CPXM1: variants seen among roughly 807,000 people sequenced by gnomAD.
The protein encoded by CPXM1 is carboxypeptidase X, M14 family member 1.
CPXM1 carries 72 observed loss-of-function variants against 80.4 expected under a neutral mutation model. That is an observed-to-expected ratio of 0.90 (90% CI 0.74 to 1.09). CPXM1 has a LOEUF of 1.09. CPXM1 is among the 50% of genes least tolerant of loss of function. CPXM1 has a pLI of 0.00. For missense variants in CPXM1, 892 were observed against 999.4 expected (o/e 0.89, Z 1.45); for synonymous variants, 403 against 405.6 (o/e 0.99, Z 0.08).
In CPXM1 at chr20:2,795,826, T is replaced by C; in HGVS notation, c.1493A>G (p.His498Arg). 1.2e-6 allele frequency: 2 copies of C among 1,611,842 alleles called. No homozygotes were observed. Among genetic ancestry groups the C allele is most frequent in the Non-Finnish European group, 1.7e-6 (2 of 1,179,986 alleles). Residue 498 changes from histidine to arginine, a missense_variant, in exon 11 of 14, where the codon CAC (histidine) becomes CGC (arginine). His to Arg is a conservative substitution (Grantham distance 29). Around this residue, in one of 2 missense-constraint regions of CPXM1, gnomAD observed 874 missense variants for 958.4 expected, o/e 0.91. Transcript: ENST00000380605. This position sits in a 1 kb window ranked among gnomAD's most constrained non-coding sequence, Gnocchi z 5.4. ...GTAGGACACCACGAGCTCACCCCCG[T>C]GGAGGTTGGCACTTAGCACAAAGGG... The part of the protein sequence containing the change: ...RIPFVLSANL[H>R]GGELVVSYPF...
In CPXM1 at chr20:2,794,290, T is replaced by C. The variant is rs761910515; in HGVS notation, c.2105A>G (p.Lys702Arg). 4 of 1,614,134 alleles carry C rather than the reference T, an allele frequency of 2.5e-6. No individual in the cohort carries two copies. The highest frequency in any genetic ancestry group is 1.3e-5 in the African/African-American group (1 of 75,034). ...CTCGCGCAGCCTCTGTTTGGGAGTC[T>C]TGGTGAGCACGAAATTGCAGGGGAA... is the stretch of plus-strand genomic sequence containing the variant. ...GPFPCNFVLT[K>R]TPKQRLRELL... Residue 702 changes from lysine (K) to arginine (R), a missense_variant, in exon 14 of 14, where the codon AAG becomes AGG. Physicochemically the swap from Lys to Arg is conservative, Grantham distance 26. Coordinates refer to ENST00000380605, the MANE Select transcript of CPXM1 (RefSeq NM_019609.5). This position sits in a 1 kb window ranked among gnomAD's most constrained non-coding sequence, Gnocchi z 5.2.
rs1415975206 is a variant in CPXM1, at chr20:2,797,104, G to A, written c.833-10C>T. On this transcript the variant is annotated splice_polypyrimidine_tract_variant and intron_variant, in intron 6 of 13. Coordinates refer to ENST00000380605, the MANE Select transcript of CPXM1 (RefSeq NM_019609.5). ...AATAGGTCATTGGGGTCTGGTGGAGGTTGAGTTTATGGTAAAGGGTGTGTC... is the reference window on the plus strand; with the variant it reads ...AATAGGTCATTGGGGTCTGGTGGAGATTGAGTTTATGGTAAAGGGTGTGTC... 6.2e-6 allele frequency: 10 copies of A among 1,614,062 alleles called. No homozygotes were observed. Among genetic ancestry groups the A allele is most frequent in the Non-Finnish European group, 8.5e-6 (10 of 1,179,934 alleles).
At chr20:2,797,483 A>T (rs1186343726) in intron 5 of CPXM1, 141 bp from the exon 6 acceptor site, 4 of 954,342 alleles carry the variant, frequency 4.2e-6, no homozygotes, top group Non-Finnish European at 4.4e-6. Context: ...TGCATCAAAC[A>T]CAGACCCCGG....
rs2088501561 is a variant in CPXM1, at chr20:2,795,909, G to A, written c.1423-13C>T. On this transcript the variant is annotated splice_polypyrimidine_tract_variant and intron_variant, in intron 10 of 13. Coordinates refer to ENST00000380605, the MANE Select transcript of CPXM1 (RefSeq NM_019609.5). The surrounding 1 kb of genome is among the most constrained non-coding windows in gnomAD (Gnocchi z 5.4). ...TTTCAGGAGCCACCTGGATGGGGCA[G>A]GTCAGGAGGGGCAGGAGACAGAGAC... The A allele has an allele frequency of 6.2e-7, 1 of 1,606,864 alleles. No homozygotes were observed. The highest frequency in any genetic ancestry group is 1.7e-5 in the Admixed American group (1 of 59,812).
Position 2,795,530 on chromosome 20 carries a change from G to GC in CPXM1, c.1720+68dup. On this transcript the variant is annotated intron_variant, in intron 11 of 13. Transcript: ENST00000380605. The surrounding 1 kb of genome is among the most constrained non-coding windows in gnomAD (Gnocchi z 5.4). ...GTGGGAACAGACGCCAGCACTGTAC[G>GC]CAACCGCAGGCTGTCTTATCAGGGC... 5 of 1,587,062 alleles carry GC rather than the reference G, an allele frequency of 3.2e-6. No homozygotes were observed. Among genetic ancestry groups the GC allele is most frequent in the Non-Finnish European group, 4.3e-6 (5 of 1,163,350 alleles).
At chr20:2,798,951 A>G in intron 1 of CPXM1, 58 bp from the exon 2 acceptor site, 1 of 1,557,408 alleles carries the variant, frequency 6.4e-7, no homozygotes, top group South Asian at 1.2e-5. Flanking sequence ...CCCCGGATGG[A>G]AAGGTCTGCC....
Position 2,798,854 on chromosome 20 carries a change from T to G in CPXM1, c.212A>C (p.Lys71Thr). Reference protein sequence around the residue: ...EQHVRIRVIKKKKVIMKKRKK... With the variant: ...EQHVRIRVIKTKKVIMKKRKK... ...CCGCTTCTTCATAATGACCTTTTTC[T>G]TCTTGATGACTCGAATCCGGACATG... Residue 71 changes from lysine (K) to threonine (T), a missense_variant, in exon 2 of 14, where the codon AAG becomes ACG. Coordinates refer to ENST00000380605, the MANE Select transcript of CPXM1 (RefSeq NM_019609.5). 6.2e-7 allele frequency: 1 copy of G among 1,614,074 alleles called. No homozygotes were observed. Among genetic ancestry groups the G allele is most frequent in the Non-Finnish European group, 8.5e-7 (1 of 1,179,984 alleles).
Position 2,800,418 on chromosome 20 carries a change from G to A in CPXM1, c.155C>T (p.Pro52Leu), listed in dbSNP as rs1600270511. ...GAACTCACCGTTAGCTGTCTCCGCC[G>A]GCGGCTGTGCCGGGCTGCTATGCAG... is the stretch of plus-strand genomic sequence containing the variant. ...PALHSSPAQP[P>L]AETANGTSEQ... Residue 52 changes from proline (P) to leucine (L), a missense_variant, in exon 1 of 14, where the codon CCG (proline) becomes CTG (leucine). Transcript: ENST00000380605. The A allele has an allele frequency of 6.5e-7, 1 of 1,530,374 alleles. No individual in the cohort carries two copies. The allele number at this position is 1,530,374 out of a possible 1,614,324, so 94.8% of individuals were successfully genotyped here.
chr20:2,795,093 C>T lies in CPXM1; in HGVS notation c.1860+184G>A, dbSNP rs1373735799. On this transcript the variant is annotated intron_variant, in intron 12 of 13. Coordinates refer to ENST00000380605, the MANE Select transcript of CPXM1 (RefSeq NM_019609.5). The surrounding 1 kb of genome is among the most constrained non-coding windows in gnomAD (Gnocchi z 5.4). ...CCACCGGCTCTAACACGATGCCACGCTGCCAGCAAACTGCACTTCCTGTCC... is the reference window on the plus strand; with the variant it reads ...CCACCGGCTCTAACACGATGCCACGTTGCCAGCAAACTGCACTTCCTGTCC... 6.6e-6 allele frequency among the ~76,000 whole-genome samples: 1 copy of T among 152,214 alleles called. No individual in the cohort carries two copies. The highest frequency in any genetic ancestry group is 6.5e-5 in the Admixed American group (1 of 15,286).
Position 2,796,771 on chromosome 20 carries a change from A to C in CPXM1, c.922-121T>G. ...GCCCACACAGAGGGGGCATCCCATC[A>C]TGGTACAGGAGGGGAGCGGCAGCAG... On this transcript the variant is annotated intron_variant, in intron 7 of 13. Coordinates refer to ENST00000380605, the MANE Select transcript of CPXM1 (RefSeq NM_019609.5). This position sits in a 1 kb window ranked among gnomAD's most constrained non-coding sequence, Gnocchi z 6.8. 7.2e-7 allele frequency: 1 copy of C among 1,389,902 alleles called. No homozygotes were observed. The highest frequency in any genetic ancestry group is 9.8e-7 in the Non-Finnish European group (1 of 1,016,744). 86.1% of individuals were successfully genotyped at this position (1,389,902 alleles called of 1,614,324 possible).
At position 2,794,572 on chromosome 20, in the gene CPXM1, A is replaced by G. The variant is rs778854153; in HGVS notation, c.1928T>C (p.Ile643Thr). The G allele has an allele frequency of 3.7e-6, 6 of 1,613,790 alleles. No homozygotes were observed. In the East Asian group the frequency reaches 8.9e-5, roughly 24 times the overall value. The stretch of plus-strand genomic sequence containing the variant: ...GTCATGGTTAATCCCATCCACGGCA[A>G]TGACAGCGTCAGCAATCCCAAGCTC... ...DTELGIADAV[I>T]AVDGINHDVT... is the part of the protein sequence containing the mutation. The change falls in exon 13 of 14, where the codon ATT becomes ACT. Residue 643 changes from isoleucine to threonine, a missense_variant. Physicochemically the swap from Ile to Thr is moderately conservative, Grantham distance 89. Around this residue, in one of 2 missense-constraint regions of CPXM1, gnomAD observed 874 missense variants for 958.4 expected, o/e 0.91. Transcript: ENST00000380605. This position sits in a 1 kb window ranked among gnomAD's most constrained non-coding sequence, Gnocchi z 5.2.
At position 2,800,610 on chromosome 20, in the gene CPXM1, G is replaced by A; in HGVS notation, c.-38C>T. 2 of 1,312,244 alleles carry A rather than the reference G, an allele frequency of 1.5e-6. No homozygotes were observed. Among genetic ancestry groups the A allele is most frequent in the East Asian group, 3.2e-5 (1 of 31,686 alleles). 81.3% of individuals were successfully genotyped at this position (1,312,244 alleles called of 1,614,324 possible). ...GTGCCAGGGGCGCGCGGGCTACGGCGGGTGGCGGGTCGGTCTCTTCCTGCC... is the reference window on the plus strand; with the variant it reads ...GTGCCAGGGGCGCGCGGGCTACGGCAGGTGGCGGGTCGGTCTCTTCCTGCC... On this transcript the variant is annotated 5_prime_UTR_variant, in exon 1 of 14. Coordinates refer to ENST00000380605, the MANE Select transcript of CPXM1 (RefSeq NM_019609.5).
intron 5 of CPXM1, 25 bp from the exon 6 acceptor site, chr20:2,797,367 T>G: frequency 2.1e-6 from 3 of 1,452,550 alleles, no homozygotes; most frequent in Non-Finnish European, 2.7e-6. Context: ...TTCTCTGTTG[T>G]GGCTGCTCAA....
rs762842667 is a variant in CPXM1 at position 2,795,265 on chromosome 20, C to T, written c.1860+12G>A. The T allele has an allele frequency of 8.7e-6, 14 of 1,611,504 alleles. No individual in the cohort carries two copies. The highest frequency in any genetic ancestry group is 5.3e-5 in the African/African-American group (4 of 74,872). On this transcript the variant is annotated intron_variant, in intron 12 of 13. Transcript: ENST00000380605. The surrounding 1 kb of genome is among the most constrained non-coding windows in gnomAD (Gnocchi z 5.4). The stretch of plus-strand genomic sequence containing the variant: ...GATTCAGGCAGGCTGGGGGCCGGGA[C>T]GCAGATCCGACCTGCTCCAGGTAGG...
Position 2,795,451 on chromosome 20 carries a change from C to T in CPXM1, c.1721-35G>A, listed in dbSNP as rs747428139. On this transcript the variant is annotated intron_variant, in intron 11 of 13. Transcript: ENST00000380605. This position sits in a 1 kb window ranked among gnomAD's most constrained non-coding sequence, Gnocchi z 5.4. ...CCACAGACACTGCTGCCTAAGCAGG[C>T]GGGATGCGGTCCCATCCTCCCGCTA... The T allele has an allele frequency of 4.2e-5, 67 of 1,606,222 alleles. No homozygotes were observed. In the East Asian group the frequency reaches 6.0e-4, roughly 14 times the overall value.
rs752205258 is a variant in CPXM1, at chr20:2,795,762, C to T, written c.1557G>A (p.Glu519=). The change falls in exon 11 of 14, where the codon GAG becomes GAA. Residue 519 remains glutamate, a synonymous_variant. Coordinates refer to ENST00000380605, the MANE Select transcript of CPXM1 (RefSeq NM_019609.5). The surrounding 1 kb of genome is among the most constrained non-coding windows in gnomAD (Gnocchi z 5.4). The stretch of plus-strand genomic sequence containing the variant: ...CAGCATCATCTGGTGTGGGCGTGAG[C>T]TCGCGGGCAGCCCACGGGGTGCGAG... ...DMTRTPWAAR[E]LTPTPDDAVF... is the part of the protein sequence containing the mutation. 2 of 1,613,438 alleles carry T rather than the reference C, an allele frequency of 1.2e-6. No homozygotes were observed. Among genetic ancestry groups the T allele is most frequent in the South Asian group, 1.1e-5 (1 of 91,086 alleles).
chr20:2,797,443 C>G lies in CPXM1; in HGVS notation c.682-101G>C. 3 of 1,269,206 alleles carry G rather than the reference C, an allele frequency of 2.4e-6. No individual in the cohort carries two copies. In the South Asian group the frequency reaches 4.8e-5, roughly 20 times the overall value. The allele number at this position is 1,269,206 out of a possible 1,614,324, so 78.6% of individuals were successfully genotyped here. ...GCCTCCAAGCTTACTGTCTCCCCAC[C>G]CTAGTGGGCTCAGCTAGAGACTTGC... On this transcript the variant is annotated intron_variant, in intron 5 of 13. Coordinates refer to ENST00000380605, the MANE Select transcript of CPXM1 (RefSeq NM_019609.5).
At position 2,798,825 on chromosome 20, in the gene CPXM1, T is replaced by C; in HGVS notation, c.241A>G (p.Lys81Glu). The change falls in exon 2 of 14, where the codon AAG becomes GAG. Residue 81 changes from lysine to glutamate, a missense_variant. Lys to Glu is a moderately conservative substitution (Grantham distance 56). Coordinates refer to ENST00000380605, the MANE Select transcript of CPXM1 (RefSeq NM_019609.5). The part of the protein sequence containing the change: ...KKKVIMKKRK[K>E]LTLTRPTPLV... ...GGGGTGGGGCGAGTTAGAGTTAGCTTCTTCCGCTTCTTCATAATGACCTTT... is the reference window on the plus strand; with the variant it reads ...GGGGTGGGGCGAGTTAGAGTTAGCTCCTTCCGCTTCTTCATAATGACCTTT... The C allele has an allele frequency of 6.2e-7, 1 of 1,614,068 alleles. No homozygotes were observed. The highest frequency in any genetic ancestry group is 8.5e-7 in the Non-Finnish European group (1 of 1,179,976).
At chr20:2,800,100 CTG>C (rs1568603180) in intron 1 of CPXM1, among the ~76,000 whole-genome samples, 2 of 150,182 alleles carry the variant, frequency 1.3e-5, no homozygotes, top group Non-Finnish European at 3.0e-5. Flanking sequence ...TGTGTGTGCA[CTG>C]TGAGTGTGAG....
Sources: allele counts gnomAD v4.1 joint callset (sites outside exome capture counted in the v4.1 genomes callset), GRCh38; gene constraint gnomAD v4.1.1; regional missense constraint gnomAD v4.1.1; non-coding constraint Gnocchi (gnomAD v3.1); transcripts MANE v1.5; gene names NCBI Gene and HGNC (gene_info 2026-07-23, HGNC 2026-07-21).